Variants in GET4 observed in about 807,000 individuals in gnomAD.
GET4 encodes guided entry of tail-anchored proteins factor 4, also known as Golgi to ER traffic protein 4 homolog.
A neutral mutation model predicts 40.0 loss-of-function variants in GET4; 20 were observed. The observed-to-expected ratio is 0.50, with a 90% CI of 0.35 to 0.73. GET4 has a LOEUF of 0.73. Ranked by LOEUF, GET4 falls within the 30% of genes least tolerant of loss-of-function variation. GET4 has a pLI of 0.01. For missense variants in GET4, 557 were observed against 454.0 expected, an observed-to-expected ratio of 1.23 and a Z score of -2.06; for synonymous variants, 280 against 194.6, an observed-to-expected ratio of 1.44 and a Z score of -3.65.
At chr7:890,898 T>C in intron 4 of GET4, 30 bp from the exon 5 acceptor site, 1 of 1,533,532 alleles carries the variant, frequency 6.5e-7, no homozygotes, top group Non-Finnish European at 9.0e-7. Flanking sequence ...TCGTGAAATG[T>C]ATTTACATTT....
chr7:895,205 T>G, intron 8 of GET4, 129 bp from the exon 9 acceptor site: 1 of 573,100 alleles, frequency 1.7e-6, no homozygotes, highest in South Asian at 2.3e-5. Context: ...TCGTAGACAG[T>G]AGCGATGTGA....
intron 4 of GET4, among the ~76,000 whole-genome samples, chr7:888,189 C>A (rs1457857968): frequency 6.6e-6 from 1 of 152,178 alleles, no homozygotes; most frequent in African/African-American, 2.4e-5. Context: ...GCACCCAGGG[C>A]AGCCCCCGCA....
At chr7:892,023 G>T (rs2272378) in intron 5 of GET4, among the ~76,000 whole-genome samples, 1 of 152,184 alleles carries the variant, frequency 6.6e-6, no homozygotes, top group Non-Finnish European at 1.5e-5. Flanking sequence ...ACGTAGTCAG[G>T]GCTCAGGCTG....
At position 876,643 on chromosome 7, in the gene GET4, C is replaced by G; in HGVS notation, c.-3C>G. The G allele has an allele frequency of 2.4e-6, 3 of 1,263,090 alleles. No individual in the cohort carries two copies. Among genetic ancestry groups the G allele is most frequent in the Non-Finnish European group, 2.0e-6 (2 of 997,852 alleles). 78.2% of individuals were successfully genotyped at this position (1,263,090 alleles called of 1,614,324 possible). A position where few individuals can be genotyped will look rare whatever the true frequency, so the allele number is the denominator to read the frequency against. On this transcript the variant is annotated 5_prime_UTR_variant, in exon 1 of 9. Transcript: ENST00000265857. ...CGTCAGCCCTGCGCGGAGCGCCGGCCCGATGGCGGCGGCGGCGGCGATGGC... is the reference window on the plus strand; with the variant it reads ...CGTCAGCCCTGCGCGGAGCGCCGGCGCGATGGCGGCGGCGGCGGCGATGGC...
chr7:889,743 T>A (rs9801172), intron 4 of GET4, among the ~76,000 whole-genome samples: 1 of 74,596 alleles, frequency 1.3e-5, no homozygotes, highest in African/African-American at 5.4e-5. Flanking sequence ...TAGGACGGGG[T>A]CTGGGAGTGG....
intron 1 of GET4, chr7:885,225 C>T (rs962268849): frequency 2.0e-5 from 3 of 152,224 alleles, no homozygotes; most frequent in African/African-American, 4.8e-5. Flanking sequence ...TTAAGAAAAA[C>T]GTGTAGCCAA....
chr7:886,482 C>T (rs552472474), intron 2 of GET4, 87 bp from the exon 3 acceptor site: 4 of 966,962 alleles, frequency 4.1e-6, no homozygotes, highest in South Asian at 1.3e-5. Flanking sequence ...CGCACTCTGG[C>T]TTCTGCTGGA....
At position 886,580 on chromosome 7, in the gene GET4, A is replaced by G. The variant is rs1476052403; in HGVS notation, c.246A>G (p.Ala82=). ...GCTTTCTCTTGTAGCAAAACAGTGCAGCAGACTTGTCCATGCTGGTCCTGG... is the reference window on the plus strand; with the variant it reads ...GCTTTCTCTTGTAGCAAAACAGTGCGGCAGACTTGTCCATGCTGGTCCTGG... ...LFFSHGQQNS[A]ADLSMLVLES... The change falls in exon 3 of 9, where the codon GCA becomes GCG. Residue 82 remains alanine (A), a synonymous_variant. Coordinates refer to ENST00000265857, the MANE Select transcript of GET4 (RefSeq NM_015949.3). The G allele has an allele frequency of 1.2e-6, 2 of 1,612,168 alleles. No homozygotes were observed. The highest frequency in any genetic ancestry group is 2.2e-5 in the East Asian group (1 of 44,868).
intron 1 of GET4, among the ~76,000 whole-genome samples, chr7:879,471 G>C (rs1844040155): frequency 6.6e-6 from 1 of 152,222 alleles, no homozygotes; most frequent in African/African-American, 2.4e-5. Flanking sequence ...CCTGGCATCT[G>C]TGTTTAGTGT....
rs191785349 is a variant in GET4 at position 884,258 on chromosome 7, G to A, written c.156-1798G>A. 122 of 1,304,132 alleles carry A rather than the reference G, an allele frequency of 9.4e-5. No individual in the cohort carries two copies. In the African/African-American group the frequency reaches 1.8e-3, roughly 19 times the overall value. The allele number at this position is 1,304,132 out of a possible 1,614,324, so 80.8% of individuals were successfully genotyped here. A position where few individuals can be genotyped will look rare whatever the true frequency, so the allele number is the denominator to read the frequency against. The stretch of plus-strand genomic sequence containing the variant: ...GCATCGTGAGGCCAGGCGTGTCTGG[G>A]AGCTTGTTTTTCCAGAGTGCCCTGT... On this transcript the variant is annotated intron_variant, in intron 1 of 8. Coordinates refer to ENST00000265857, the MANE Select transcript of GET4 (RefSeq NM_015949.3).
chr7:895,445 A>C lies in GET4; in HGVS notation c.*23A>C, dbSNP rs763837334. 7.8e-7 allele frequency: 1 copy of C among 1,282,838 alleles called. No individual in the cohort carries two copies. Among genetic ancestry groups the C allele is most frequent in the Admixed American group, 1.8e-5 (1 of 56,568 alleles). 79.5% of individuals were successfully genotyped at this position (1,282,838 alleles called of 1,614,324 possible). A position where few individuals can be genotyped will look rare whatever the true frequency, so the allele number is the denominator to read the frequency against. On this transcript the variant is annotated 3_prime_UTR_variant, in exon 9 of 9. Coordinates refer to ENST00000265857, the MANE Select transcript of GET4 (RefSeq NM_015949.3). ...TGAACTGGCCAGGCCACGTGGAGAC[A>C]CCACGGTCGACGACGGCTGGAGGGA...
chr7:878,468 A>G, intron 1 of GET4: 1 of 440,380 alleles, frequency 2.3e-6, no homozygotes, highest in African/African-American at 2.0e-5. Flanking sequence ...GGTACCTTCT[A>G]AACTGCCACA....
intron 4 of GET4, among the ~76,000 whole-genome samples, chr7:889,712 G>T (rs1161716691): frequency 2.1e-5 from 3 of 141,024 alleles, no homozygotes; most frequent in Non-Finnish European, 4.8e-5. Context: ...GCCTGGGAGC[G>T]GAGGGAGTGC....
chr7:892,981 G>A (rs1288061831), intron 6 of GET4, among the ~76,000 whole-genome samples: 4 of 151,642 alleles, frequency 2.6e-5, no homozygotes, highest in East Asian at 1.9e-4. Context: ...GTGTTTGCAG[G>A]TAAGTGTTGG....
At chr7:890,602 C>CT (rs1353712956) in intron 4 of GET4, among the ~76,000 whole-genome samples, 1 of 152,110 alleles carries the variant, frequency 6.6e-6, no homozygotes, top group Non-Finnish European at 1.5e-5. Flanking sequence ...TAAGTTGCTT[C>CT]TGGTAGGTGA....
At chr7:878,517 G>A (rs939780522) in intron 1 of GET4, among the ~76,000 whole-genome samples, 10 of 151,638 alleles carry the variant, frequency 6.6e-5, no homozygotes, top group Non-Finnish European at 1.2e-4. Flanking sequence ...AAGGGCAGTT[G>A]GTCTGGCCTT....
chr7:884,143 T>A (rs1585491886), intron 1 of GET4: 1 of 1,271,190 alleles, frequency 7.9e-7, no homozygotes, highest in Non-Finnish European at 1.0e-6. Flanking sequence ...GATAGAAGCA[T>A]CCAGAACGCT....
At chr7:884,353 C>G in intron 1 of GET4, 1 of 1,303,658 alleles carries the variant, frequency 7.7e-7, no homozygotes, top group East Asian at 5.6e-5. Flanking sequence ...CGGCCGGTCA[C>G]AGAGTCAGTG....
At chr7:886,695 C>T in intron 3 of GET4, 45 bp downstream of exon 3, 1 of 1,223,882 alleles carries the variant, frequency 8.2e-7, no homozygotes, top group South Asian at 1.2e-5. Flanking sequence ...ACAGCGGCCC[C>T]AGTACGCCCC....
Sources: gnomAD v4.1 joint callset for allele counts (sites outside exome capture counted in the v4.1 genomes callset) on GRCh38, gnomAD v4.1.1 for gene constraint, MANE v1.5 for transcripts, NCBI Gene and HGNC (gene_info 2026-07-23, HGNC 2026-07-21) for gene names.